CCDC85A: variants seen among roughly 807,000 people sequenced by gnomAD.
CCDC85A encodes coiled-coil domain-containing protein 85A.
A neutral mutation model predicts 50.2 loss-of-function variants in CCDC85A; 38 were observed. That is an observed-to-expected ratio of 0.76 (90% CI 0.58 to 0.99). The LOEUF (loss-of-function observed/expected upper bound fraction) is 0.99. Ranked by LOEUF, CCDC85A falls within the 50% of genes least tolerant of loss-of-function variation. CCDC85A has a pLI of 0.00. For synonymous variants in CCDC85A, 366 were observed against 301.4 expected, an observed-to-expected ratio of 1.21 and a Z score of -2.22; for missense variants, 820 against 742.0, an observed-to-expected ratio of 1.11 and a Z score of -1.22.
intron 2 of CCDC85A, among the ~76,000 whole-genome samples, chr2:56,243,846 T>A (rs1380679035): frequency 1.3e-5 from 2 of 152,204 alleles, no homozygotes; most frequent in African/African-American, 4.8e-5. Flanking sequence ...GTGTCTGCAT[T>A]AGGGGACACC....
At chr2:56,318,571 T>A (rs1197678652) in intron 2 of CCDC85A, among the ~76,000 whole-genome samples, 2 of 152,108 alleles carry the variant, frequency 1.3e-5, no homozygotes, top group Non-Finnish European at 2.9e-5. Flanking sequence ...TATTTCAGCA[T>A]CTGGAACATT....
chr2:56,260,647 G>T (rs1287633481), intron 2 of CCDC85A, among the ~76,000 whole-genome samples: 1 of 152,198 alleles, frequency 6.6e-6, no homozygotes, highest in Non-Finnish European at 1.5e-5. Flanking sequence ...AGGCATTGCT[G>T]CCAGGAAGCA....
intron 2 of CCDC85A, among the ~76,000 whole-genome samples, chr2:56,210,389 C>T (rs1677133273): frequency 6.6e-6 from 1 of 152,118 alleles, no homozygotes; most frequent in Non-Finnish European, 1.5e-5. Context: ...AGTACAGTGG[C>T]TGCCTCTTTA....
At chr2:56,320,504 A>G (rs1349398655) in intron 2 of CCDC85A, among the ~76,000 whole-genome samples, 2 of 152,212 alleles carry the variant, frequency 1.3e-5, no homozygotes, top group Non-Finnish European at 2.9e-5. Flanking sequence ...AGAGAATACT[A>G]TAAACACCTC....
At chr2:56,380,778 A>G (rs1676549407) in intron 5 of CCDC85A, among the ~76,000 whole-genome samples, 1 of 152,192 alleles carries the variant, frequency 6.6e-6, no homozygotes, top group Non-Finnish European at 1.5e-5. Flanking sequence ...AGTCAATAAT[A>G]TAAATTGTGA....
intron 2 of CCDC85A, among the ~76,000 whole-genome samples, chr2:56,222,891 A>G (rs989188366): frequency 6.6e-6 from 1 of 152,136 alleles, no homozygotes; most frequent in African/African-American, 2.4e-5. Flanking sequence ...ATTGCTTTCA[A>G]AAACAATTTG....
intron 2 of CCDC85A, among the ~76,000 whole-genome samples, chr2:56,329,867 G>T (rs1054894546): frequency 6.7e-6 from 1 of 148,230 alleles, no homozygotes; most frequent in Non-Finnish European, 1.5e-5. Flanking sequence ...TGCATAAAAA[G>T]GCACGCTAAT....
intron 3 of CCDC85A, among the ~76,000 whole-genome samples, chr2:56,344,517 C>T (rs536082553): frequency 1.6e-4 from 24 of 152,228 alleles, no homozygotes; most frequent in African/African-American, 5.8e-4. Context: ...GAAACTGAGG[C>T]TAAGGGTGGA....
At chr2:56,219,504 T>G (rs1023618759) in intron 2 of CCDC85A, among the ~76,000 whole-genome samples, 1 of 151,720 alleles carries the variant, frequency 6.6e-6, no homozygotes, top group African/African-American at 2.4e-5. Context: ...ACAAACTGCT[T>G]GTAAAGTTTC....
chr2:56,302,055 A>G (rs1017274978), intron 2 of CCDC85A, among the ~76,000 whole-genome samples: 8 of 152,142 alleles, frequency 5.3e-5, no homozygotes, highest in African/African-American at 1.9e-4. Flanking sequence ...CAGGAGTTGG[A>G]GACCAGCCTG....
In CCDC85A at chr2:56,184,141, CG is replaced by C; in HGVS notation, c.-483del. 1 of 985,762 alleles carries C rather than the reference CG, an allele frequency of 1.0e-6. No homozygotes were observed. Among genetic ancestry groups the C allele is most frequent in the Non-Finnish European group, 1.2e-6 (1 of 830,288 alleles). The allele number at this position is 985,762 out of a possible 1,614,324, so 61.1% of individuals were successfully genotyped here. On this transcript the variant is annotated 5_prime_UTR_variant, in exon 1 of 6. Coordinates refer to ENST00000407595, the MANE Select transcript of CCDC85A (RefSeq NM_001080433.2). Reference sequence around the variant, plus strand: ...CGGGGAGGCGCCGCGGTGCCCGGCGCGCCCTCCAAGCTAGGAGAGGGGAGAA... The same window carrying C: ...CGGGGAGGCGCCGCGGTGCCCGGCGCCCCTCCAAGCTAGGAGAGGGGAGAA...
At chr2:56,305,897 A>G (rs1338891620) in intron 2 of CCDC85A, among the ~76,000 whole-genome samples, 2 of 152,192 alleles carry the variant, frequency 1.3e-5, no homozygotes, top group African/African-American at 4.8e-5. Flanking sequence ...TTAGGTACCC[A>G]AAGTGACAAT....
At chr2:56,337,207 T>C (rs1674116902) in intron 2 of CCDC85A, among the ~76,000 whole-genome samples, 1 of 152,242 alleles carries the variant, frequency 6.6e-6, no homozygotes, top group Admixed American at 6.5e-5. Context: ...ACAGATGCTG[T>C]GAACTTTTAC....
chr2:56,305,101 T>TCTA (rs1672382770), intron 2 of CCDC85A, among the ~76,000 whole-genome samples: 1 of 128,166 alleles, frequency 7.8e-6, no homozygotes. Context: ...AGACTCTGCC[T>TCTA]CAAAAAAAAA....
chr2:56,278,150 T>C (rs1287581100), intron 2 of CCDC85A, among the ~76,000 whole-genome samples: 1 of 152,158 alleles, frequency 6.6e-6, no homozygotes, highest in Non-Finnish European at 1.5e-5. Context: ...TGTGTGTCTT[T>C]AGTGTCTTTC....
intron 2 of CCDC85A, among the ~76,000 whole-genome samples, chr2:56,270,297 G>T (rs1306040599): frequency 6.6e-6 from 1 of 152,062 alleles, no homozygotes; most frequent in African/African-American, 2.4e-5. Context: ...TAGCAAAGAA[G>T]GATACCTAAA....
At chr2:56,304,943 CA>C (rs202134056) in intron 2 of CCDC85A, among the ~76,000 whole-genome samples, 17,826 of 132,492 alleles carry the variant, frequency 0.13, 1,186 homozygotes, top group Admixed American at 0.22. Flanking sequence ...AACAAAAAAA[CA>C]AAAAAAAAAA....
chr2:56,365,388 G>A (rs1675740075), intron 3 of CCDC85A, among the ~76,000 whole-genome samples: 1 of 152,150 alleles, frequency 6.6e-6, no homozygotes. Context: ...CTGGTGTGTA[G>A]CAGTTCATCT....
chr2:56,287,583 A>G (rs376599308), intron 2 of CCDC85A, among the ~76,000 whole-genome samples: 29 of 152,174 alleles, frequency 1.9e-4, no homozygotes, highest in African/African-American at 6.0e-4. Context: ...AGTTGAAGTC[A>G]CATTCTTTGT....
Sources: gnomAD v4.1 joint callset for allele counts (sites outside exome capture counted in the v4.1 genomes callset) on GRCh38, gnomAD v4.1.1 for gene constraint, MANE v1.5 for transcripts, NCBI Gene and HGNC (gene_info 2026-07-23, HGNC 2026-07-21) for gene names.